Variants in MLIP observed in about 807,000 individuals in gnomAD.
MLIP encodes muscular LMNA-interacting protein.
In MLIP, 79 loss-of-function variants were observed where a neutral mutation model predicts 84.8. The ratio of observed to expected loss-of-function variants is 0.93; its 90% confidence interval spans 0.78 to 1.12. MLIP has a LOEUF of 1.12. Among genes scored for constraint, MLIP ranks in the 50% most tolerant of loss-of-function variants. MLIP has a pLI of 0.00. For synonymous variants in MLIP, 504 were observed against 463.0 expected (o/e 1.09, Z -1.14); for missense variants, 1,257 against 1,160.6 (o/e 1.08, Z -1.21).
intron 1 of MLIP, among the ~76,000 whole-genome samples, chr6:54,067,668 C>T (rs1297586156): frequency 4.9e-5 from 5 of 101,112 alleles, no homozygotes; most frequent in African/African-American, 1.3e-4. Flanking sequence ...TTGAAGCGCT[C>T]ATAGCCTGAA....
intron 3 of MLIP, among the ~76,000 whole-genome samples, chr6:54,133,425 C>T (rs906221595): frequency 2.6e-5 from 4 of 152,226 alleles, no homozygotes; most frequent in East Asian, 1.9e-4. Flanking sequence ...TGGTATGTGA[C>T]GACAAGGGAG....
intron 12 of MLIP, among the ~76,000 whole-genome samples, chr6:54,245,409 C>A (rs1236595547): frequency 3.9e-5 from 6 of 152,026 alleles, no homozygotes; most frequent in Admixed American, 6.6e-5. Context: ...AAGGAGCTAC[C>A]CTTTTATGCC....
In MLIP at chr6:54,138,348, T is replaced by C. The variant is rs953221008; in HGVS notation, c.2217+62T>C. The C allele has an allele frequency of 5.7e-5, 83 of 1,451,064 alleles. 2 individuals carry two copies. In the Admixed American group the frequency reaches 7.9e-4, roughly 14 times the overall value. The allele number at this position is 1,451,064 out of a possible 1,614,324, so 89.9% of individuals were successfully genotyped here. A position where few individuals can be genotyped will look rare whatever the true frequency, so the allele number is the denominator to read the frequency against. On this transcript the variant is annotated intron_variant, in intron 4 of 13. Transcript: ENST00000502396. ...GAAACAGGGAAGAATCTTTTTTTTTTCCCCAAGGCAGAAATCAATAATTAT... is the reference window on the plus strand; with the variant it reads ...GAAACAGGGAAGAATCTTTTTTTTTCCCCCAAGGCAGAAATCAATAATTAT...
At chr6:54,022,773 C>G (rs979276849) in intron 1 of MLIP, among the ~76,000 whole-genome samples, 1 of 152,022 alleles carries the variant, frequency 6.6e-6, no homozygotes, top group African/African-American at 2.4e-5. Context: ...TAAGAAGAAA[C>G]AGATCTCATG....
At chr6:54,043,400 C>T (rs1245972124) in intron 1 of MLIP, 2 of 152,180 alleles carry the variant, frequency 1.3e-5, no homozygotes, top group African/African-American at 2.4e-5. Context: ...AATGATCCAT[C>T]TTGAAAGGCT....
chr6:54,255,665 G>T (rs1020427355), intron 12 of MLIP, among the ~76,000 whole-genome samples: 1 of 152,028 alleles, frequency 6.6e-6, no homozygotes, highest in African/African-American at 2.4e-5. Flanking sequence ...AAATAAAATG[G>T]ATTAAAATTA....
chr6:54,033,824 C>T (rs1472179594), intron 1 of MLIP, among the ~76,000 whole-genome samples: 1 of 152,084 alleles, frequency 6.6e-6, no homozygotes, highest in African/African-American at 2.4e-5. Context: ...CATTATTATT[C>T]TTCATTCTTG....
intron 5 of MLIP, among the ~76,000 whole-genome samples, chr6:54,152,699 G>A (rs1371869370): frequency 1.3e-5 from 2 of 152,116 alleles, no homozygotes; most frequent in Admixed American, 6.6e-5. Context: ...ATATCTTGAT[G>A]TGTACTGTCT....
At chr6:54,026,203 T>C (rs564520271) in intron 1 of MLIP, among the ~76,000 whole-genome samples, 38 of 152,288 alleles carry the variant, frequency 2.5e-4, no homozygotes, top group Non-Finnish European at 4.4e-4. Flanking sequence ...AATAAGAGGA[T>C]TATATGGTTG....
intron 9 of MLIP, among the ~76,000 whole-genome samples, chr6:54,181,986 T>C (rs1776919719): frequency 1.3e-5 from 2 of 152,148 alleles, no homozygotes; most frequent in South Asian, 4.1e-4. Context: ...GGGGAAGAAA[T>C]AGCACAAGTA....
At chr6:54,030,195 G>T (rs922419987) in intron 1 of MLIP, among the ~76,000 whole-genome samples, 9 of 152,150 alleles carry the variant, frequency 5.9e-5, no homozygotes, top group Admixed American at 3.9e-4. Flanking sequence ...TTTGTTCTGT[G>T]AAGTGACAAA....
upstream of MLIP, among the ~76,000 whole-genome samples, chr6:54,110,799 GT>G (rs1042807578): frequency 4.6e-5 from 7 of 152,162 alleles, no homozygotes; most frequent in Non-Finnish European, 1.0e-4. Flanking sequence ...AAGTTTTAAG[GT>G]TTGTCTGCAG....
intron 1 of MLIP, among the ~76,000 whole-genome samples, chr6:54,090,627 A>G (rs1194340855): frequency 2.0e-5 from 3 of 151,540 alleles, no homozygotes; most frequent in Non-Finnish European, 4.4e-5. Context: ...ACGGCATTCT[A>G]TCTATGTTAA....
At chr6:54,133,860 T>C (rs1383464057) in intron 3 of MLIP, among the ~76,000 whole-genome samples, 1 of 152,088 alleles carries the variant, frequency 6.6e-6, no homozygotes, top group African/African-American at 2.4e-5. Flanking sequence ...GTTTTGAAAA[T>C]GACTTTAGAG....
At chr6:54,251,271 C>G (rs1304126660) in intron 12 of MLIP, among the ~76,000 whole-genome samples, 1 of 151,126 alleles carries the variant, frequency 6.6e-6, no homozygotes, top group Non-Finnish European at 1.5e-5. Flanking sequence ...AGCTGACAGC[C>G]TGTCATAAAT....
chr6:54,143,959 G>A (rs1772556097), intron 4 of MLIP, among the ~76,000 whole-genome samples: 1 of 152,168 alleles, frequency 6.6e-6, no homozygotes, highest in Admixed American at 6.6e-5. Context: ...TAAGGTGTTA[G>A]AGGAATGAAA....
intron 1 of MLIP, among the ~76,000 whole-genome samples, chr6:54,059,963 G>A (rs1765873512): frequency 6.6e-6 from 1 of 152,232 alleles, no homozygotes; most frequent in African/African-American, 2.4e-5. Flanking sequence ...TTTTCATTCA[G>A]CATAGGCATG....
At chr6:54,167,413 A>G (rs1775308622) in intron 8 of MLIP, among the ~76,000 whole-genome samples, 1 of 151,840 alleles carries the variant, frequency 6.6e-6, no homozygotes, top group South Asian at 2.1e-4. Context: ...TTCTTTTCAA[A>G]TCAGTTATAT....
intron 12 of MLIP, among the ~76,000 whole-genome samples, chr6:54,236,769 A>G (rs1477789100): frequency 6.6e-6 from 1 of 152,166 alleles, no homozygotes; most frequent in Non-Finnish European, 1.5e-5. Flanking sequence ...GTGTCTTAAA[A>G]GAGAAAATAA....
Sources: allele counts gnomAD v4.1 joint callset (sites outside exome capture counted in the v4.1 genomes callset), GRCh38; gene constraint gnomAD v4.1.1; transcripts MANE v1.5; gene names NCBI Gene and HGNC (gene_info 2026-07-23, HGNC 2026-07-21).